FOXP2: variants seen among roughly 807,000 people sequenced by gnomAD.
FOXP2 encodes forkhead box P2.
In FOXP2, 12 loss-of-function variants were observed where a neutral mutation model predicts 115.8. The observed-to-expected ratio is 0.10, with a 90% CI of 0.07 to 0.17. The LOEUF is 0.17. Among genes scored for constraint, FOXP2 ranks in the 10% least tolerant of loss-of-function variants. FOXP2 has a pLI of 1.00. For synonymous variants in FOXP2, 328 were observed against 297.7 expected (o/e 1.10, Z -1.05); for missense variants, 629 against 843.5 (o/e 0.75, Z 3.15).
intron 1 of FOXP2, among the ~76,000 whole-genome samples, chr7:114,095,817 T>C (rs1390253859): frequency 6.6e-6 from 1 of 152,222 alleles, no homozygotes; most frequent in African/African-American, 2.4e-5. Context: ...TAATGGACTT[T>C]ACATGCACAG....
intron 2 of FOXP2, among the ~76,000 whole-genome samples, chr7:114,448,173 G>C (rs1794918032): frequency 6.6e-6 from 1 of 152,074 alleles, no homozygotes; most frequent in Non-Finnish European, 1.5e-5. Flanking sequence ...TTGTGGCATG[G>C]TATAAATAGC....
At chr7:114,644,119 T>A (rs1021150461) in intron 7 of FOXP2, among the ~76,000 whole-genome samples, 5 of 152,276 alleles carry the variant, frequency 3.3e-5, no homozygotes, top group Non-Finnish European at 7.4e-5. Flanking sequence ...TTCTCTGGGA[T>A]CTCTCTAATA....
intron 2 of FOXP2, among the ~76,000 whole-genome samples, chr7:114,472,763 T>C (rs945042318): frequency 1.3e-5 from 2 of 152,208 alleles, no homozygotes; most frequent in African/African-American, 4.8e-5. Context: ...GTTTTCCTTT[T>C]TATAGTTTGC....
At chr7:114,308,729 T>G (rs1165634350) in intron 2 of FOXP2, among the ~76,000 whole-genome samples, 2 of 152,176 alleles carry the variant, frequency 1.3e-5, no homozygotes, top group Non-Finnish European at 2.9e-5. Flanking sequence ...AGGGTGATCT[T>G]TGCAATAAAA....
intron 1 of FOXP2, among the ~76,000 whole-genome samples, chr7:114,107,069 A>G (rs1003022286): frequency 1.3e-5 from 2 of 151,850 alleles, no homozygotes; most frequent in African/African-American, 4.8e-5. Flanking sequence ...AATGATTTCT[A>G]TGTCATTTGA....
Position 114,460,475 on chromosome 7 carries a change from C to A in FOXP2, c.168+33796C>A, listed in dbSNP as rs140289060. Among the ~76,000 whole-genome samples the A allele has an allele frequency of 1.8e-4, 28 of 152,270 alleles. No homozygotes were observed. In the East Asian group the frequency reaches 5.2e-3, roughly 28 times the overall value. ...GTCTAGTGCAATGTAAATATGTTAT[C>A]AGTTGCTTTAGTGAAACTGAGATAC... On this transcript the variant is annotated intron_variant, in intron 2 of 16. Transcript: ENST00000350908.
intron 3 of FOXP2, among the ~76,000 whole-genome samples, chr7:114,600,341 A>G (rs1252685637): frequency 6.6e-6 from 1 of 152,150 alleles, no homozygotes. Context: ...ATGTCTTTTC[A>G]TGGCATGATA....
chr7:114,186,219 T>C (rs1793602414), intron 1 of FOXP2, among the ~76,000 whole-genome samples: 1 of 152,100 alleles, frequency 6.6e-6, no homozygotes, highest in South Asian at 2.1e-4. Context: ...ATAAATTCCT[T>C]CCATCCCAGT....
chr7:114,291,539 A>G (rs1796590222), intron 2 of FOXP2, among the ~76,000 whole-genome samples: 1 of 151,998 alleles, frequency 6.6e-6, no homozygotes, highest in South Asian at 2.1e-4. Context: ...ATCATCTCAC[A>G]ATTTCTGTGG....
intron 1 of FOXP2, among the ~76,000 whole-genome samples, chr7:114,278,987 A>G (rs1796261234): frequency 6.6e-6 from 1 of 152,190 alleles, no homozygotes; most frequent in African/African-American, 2.4e-5. Context: ...TGAAAAATAA[A>G]TTCTGGGTTA....
intron 2 of FOXP2, among the ~76,000 whole-genome samples, chr7:114,534,326 C>T (rs1472282230): frequency 6.6e-6 from 1 of 151,776 alleles, no homozygotes; most frequent in Non-Finnish European, 1.5e-5. Flanking sequence ...AGACAAGTTC[C>T]TTGTGGAAAT....
intron 2 of FOXP2, among the ~76,000 whole-genome samples, chr7:114,482,116 C>G (rs1013617600): frequency 6.6e-6 from 1 of 151,284 alleles, no homozygotes; most frequent in Non-Finnish European, 1.5e-5. Flanking sequence ...ACAGGAGGAT[C>G]GAGAGAGAGG....
At chr7:114,329,606 A>G (rs1458871362) in intron 2 of FOXP2, among the ~76,000 whole-genome samples, 2 of 151,736 alleles carry the variant, frequency 1.3e-5, no homozygotes, top group African/African-American at 4.8e-5. Flanking sequence ...TAATATGAAC[A>G]TATAATAGTG....
intron 2 of FOXP2, among the ~76,000 whole-genome samples, chr7:114,368,547 G>A (rs979571181): frequency 6.6e-6 from 1 of 152,118 alleles, no homozygotes; most frequent in Non-Finnish European, 1.5e-5. Context: ...CCTGAAGAAG[G>A]GTGGCAGAAC....
chr7:114,681,579 G>A (rs1808083195), intron 16 of FOXP2, among the ~76,000 whole-genome samples: 1 of 152,128 alleles, frequency 6.6e-6, no homozygotes, highest in Non-Finnish European at 1.5e-5. Flanking sequence ...GGAGCACTAT[G>A]TACAGAGCAT....
intron 2 of FOXP2, among the ~76,000 whole-genome samples, chr7:114,399,230 C>G (rs368710103): frequency 9.2e-5 from 14 of 151,716 alleles, no homozygotes; most frequent in African/African-American, 3.4e-4. Flanking sequence ...GACTCAGCCT[C>G]CCGAGTAGCT....
intron 2 of FOXP2, among the ~76,000 whole-genome samples, chr7:114,309,952 A>C (rs1246402830): frequency 1.3e-5 from 2 of 151,752 alleles, no homozygotes; most frequent in Non-Finnish European, 2.9e-5. Flanking sequence ...GGCATGAGCC[A>C]CTGCACCTGG....
intron 1 of FOXP2, among the ~76,000 whole-genome samples, chr7:114,123,213 G>A (rs1791614366): frequency 6.6e-6 from 1 of 151,676 alleles, no homozygotes; most frequent in Non-Finnish European, 1.5e-5. Context: ...TCATTAGTCA[G>A]GCATGGTGTT....
intron 2 of FOXP2, among the ~76,000 whole-genome samples, chr7:114,477,694 A>T (rs1319228176): frequency 1.3e-5 from 2 of 151,950 alleles, no homozygotes; most frequent in Admixed American, 1.3e-4. Context: ...ATACATATAT[A>T]TATGAAAAAG....
Sources: allele counts gnomAD v4.1 joint callset (sites outside exome capture counted in the v4.1 genomes callset), GRCh38; gene constraint gnomAD v4.1.1; transcripts MANE v1.5; gene names NCBI Gene and HGNC (gene_info 2026-07-23, HGNC 2026-07-21).